Variants in PLAUR observed in about 807,000 individuals in gnomAD.
The protein encoded by PLAUR is plasminogen activator, urokinase receptor.
Under a neutral mutation model 33.4 loss-of-function variants are expected in PLAUR, and 22 were observed. The ratio of observed to expected loss-of-function variants is 0.66; its 90% confidence interval spans 0.47 to 0.94. The LOEUF (loss-of-function observed/expected upper bound fraction) is 0.94, where lower values mean the gene tolerates loss of function less well. Ranked by LOEUF, PLAUR falls within the 40% of genes least tolerant of loss-of-function variation. The pLI, the probability that PLAUR is intolerant of heterozygous loss-of-function variation, is 0.00. For missense variants in PLAUR, 408 were observed against 434.7 expected (o/e 0.94, Z 0.55); for synonymous variants, 148 against 167.3 (o/e 0.88, Z 0.89).
chr19:43,649,211 G>A, intron 6 of PLAUR, 68 bp from the exon 7 acceptor site: 1 of 1,556,248 alleles, frequency 6.4e-7, no homozygotes, highest in African/African-American at 1.4e-5. Flanking sequence ...TCCAGTAGGT[G>A]ACCTGCCACC....
chr19:43,654,429 G>A (rs1974121422), intron 5 of PLAUR, among the ~76,000 whole-genome samples: 1 of 152,112 alleles, frequency 6.6e-6, no homozygotes, highest in Admixed American at 6.6e-5. Flanking sequence ...GCCTGAGAAA[G>A]GAGGGTGACA....
At position 43,648,713 on chromosome 19, in the gene PLAUR, T is replaced by G; in HGVS notation, c.*177A>C. ...TTGGCCCACGGCCTTCCTCCAGCTT[T>G]TCTCTTCTGCTTCACACAACTTTGT... is the stretch of plus-strand genomic sequence containing the variant. On this transcript the variant is annotated 3_prime_UTR_variant, in exon 7 of 7. Transcript: ENST00000340093. 1.2e-6 allele frequency: 1 copy of G among 848,494 alleles called. No individual in the cohort carries two copies. 52.6% of individuals were successfully genotyped at this position (848,494 alleles called of 1,614,324 possible).
Position 43,665,358 on chromosome 19 carries a change from C to T in PLAUR, c.268G>A (p.Glu90Lys), listed in dbSNP as rs184935465. 124 of 1,613,934 alleles carry T rather than the reference C, an allele frequency of 7.7e-5. No homozygotes were observed. Among genetic ancestry groups the T allele is most frequent in the Non-Finnish European group, 9.7e-5 (114 of 1,179,976 alleles). Reference sequence around the variant, plus strand: ...CACAAGTCTAACCCACACACAACCTCGGTAAGGCTGGTGATCTTCAAGCCA... The same window carrying T: ...CACAAGTCTAACCCACACACAACCTTGGTAAGGCTGGTGATCTTCAAGCCA... ...RTGLKITSLT[E>K]VVCGLDLCNQ... Residue 90 changes from glutamate (E) to lysine (K), a missense_variant, in exon 3 of 7, where the codon GAG becomes AAG. Transcript: ENST00000340093.
At position 43,652,381 on chromosome 19, in the gene PLAUR, AG is replaced by A; in HGVS notation, c.608-11del. ...TTTTCAAGCTCCAGGACTTAGGAGA[AG>A]ACCAGAGACACAGAGACCAAGAAAA... On this transcript the variant is annotated splice_polypyrimidine_tract_variant and intron_variant, in intron 5 of 6. Transcript: ENST00000340093. 1 of 1,613,212 alleles carries A rather than the reference AG, an allele frequency of 6.2e-7. No homozygotes were observed.
At chr19:43,661,125 G>C (rs907760625) in intron 3 of PLAUR, 1 of 152,172 alleles carries the variant, frequency 6.6e-6, no homozygotes, top group African/African-American at 2.4e-5. Context: ...TGACTTGAGG[G>C]AGATTTGTTT....
intron 4 of PLAUR, 97 bp from the exon 5 acceptor site, chr19:43,655,670 T>C: frequency 9.2e-7 from 1 of 1,089,732 alleles, no homozygotes; most frequent in Non-Finnish European, 1.3e-6. Flanking sequence ...CATTCTCTAC[T>C]TCACCCTTCA....
chr19:43,649,755 A>G (rs1262695280), intron 6 of PLAUR, among the ~76,000 whole-genome samples: 3 of 151,816 alleles, frequency 2.0e-5, no homozygotes, highest in Non-Finnish European at 4.4e-5. Context: ...AGAAAAAAAA[A>G]GAAAGAAAGG....
At position 43,670,058 on chromosome 19, in the gene PLAUR, GC is replaced by G; in HGVS notation, c.55+7del. ...TCCAGGCGCAGGCGTTCGGGACCCA[GC>G]CCCTACCTGGGACGCAGGTGTGGAG... On this transcript the variant is annotated splice_region_variant and intron_variant, in intron 1 of 6. Coordinates refer to ENST00000340093, the MANE Select transcript of PLAUR (RefSeq NM_002659.4). 1 of 1,613,146 alleles carries G rather than the reference GC, an allele frequency of 6.2e-7. No homozygotes were observed. The highest frequency in any genetic ancestry group is 2.2e-5 in the East Asian group (1 of 44,806).
intron 3 of PLAUR, among the ~76,000 whole-genome samples, chr19:43,661,800 G>A (rs1302034864): frequency 6.6e-6 from 1 of 152,216 alleles, no homozygotes; most frequent in Non-Finnish European, 1.5e-5. Context: ...TCTGATACAA[G>A]TGACTCCATC....
chr19:43,648,872 G>A lies in PLAUR; in HGVS notation c.*18C>T, dbSNP rs1288159843. On this transcript the variant is annotated 3_prime_UTR_variant, in exon 7 of 7. Transcript: ENST00000340093. ...GGGTCCCCCGGATCCAGCCAGGGCA[G>A]AGAGGGGGATTTCAGGTTTAGGTCC... is the stretch of plus-strand genomic sequence containing the variant. 6.2e-7 allele frequency: 1 copy of A among 1,605,914 alleles called. No individual in the cohort carries two copies. The highest frequency in any genetic ancestry group is 8.5e-7 in the Non-Finnish European group (1 of 1,173,938).
chr19:43,667,532 C>G, intron 2 of PLAUR, 49 bp downstream of exon 2: 1 of 1,311,814 alleles, frequency 7.6e-7, no homozygotes, highest in Non-Finnish European at 1.1e-6. Context: ...CTCAATCACT[C>G]GCGTTCCATG....
intron 2 of PLAUR, among the ~76,000 whole-genome samples, chr19:43,666,649 C>T (rs927397657): frequency 3.3e-5 from 5 of 152,032 alleles, no homozygotes; most frequent in Non-Finnish European, 5.9e-5. Flanking sequence ...CTCACTGCAA[C>T]CTCCGCCTCC....
chr19:43,652,695 G>C (rs1270772578), intron 5 of PLAUR, among the ~76,000 whole-genome samples: 1 of 152,106 alleles, frequency 6.6e-6, no homozygotes, highest in African/African-American at 2.4e-5. Flanking sequence ...TTGTTGCCCA[G>C]GCTGGAGTGC....
At chr19:43,665,092 G>C (rs968873591) in intron 3 of PLAUR, 3 of 578,094 alleles carry the variant, frequency 5.2e-6, no homozygotes, top group Non-Finnish European at 9.4e-6. Context: ...GTAACATGAA[G>C]TTGGGCATAG....
rs1198012015 is a variant in PLAUR at position 43,650,310 on chromosome 19, G to GT, written c.755-1168dup. Among the ~76,000 whole-genome samples the GT allele has an allele frequency of 9.6e-3, 1,390 of 144,192 alleles. 14 individuals carry two copies. Among genetic ancestry groups the GT allele is most frequent in the African/African-American group, 0.028 (1,090 of 39,378 alleles). The allele number at this position is 144,192 out of a possible 152,430, so 94.6% of individuals were successfully genotyped here. A position where few individuals can be genotyped will look rare whatever the true frequency, so the allele number is the denominator to read the frequency against. On this transcript the variant is annotated intron_variant, in intron 6 of 6. Coordinates refer to ENST00000340093, the MANE Select transcript of PLAUR (RefSeq NM_002659.4). ...AGGCGTGAGCCACCGCGCCTGGCTG[G>GT]TTTTTTTTTTGTTGTTTCTTTGTTT...
chr19:43,649,647 G>GAGGA (rs1641059067), intron 6 of PLAUR, among the ~76,000 whole-genome samples: 1 of 149,090 alleles, frequency 6.7e-6, no homozygotes. Flanking sequence ...GAGAGAGAGG[G>GAGGA]AGGAAGGAAG....
rs751493923 is a variant in PLAUR at position 43,656,490 on chromosome 19, T to C, written c.461A>G (p.Glu154Gly). Reference sequence around the variant, plus strand: ...AGGTTGGGGCTCACCTTCTTCACCTTCCTGGATCCAGTGGGTCACCACATC... The same window carrying C: ...AGGTTGGGGCTCACCTTCTTCACCTCCCTGGATCCAGTGGGTCACCACATC... ...CLDVVTHWIQ[E>G]GEEGRPKDDR... The change falls in exon 4 of 7, where the codon GAA becomes GGA. Residue 154 changes from glutamate to glycine, a missense_variant. Glu to Gly is a moderately conservative substitution (Grantham distance 98, BLOSUM62 -2). Coordinates refer to ENST00000340093, the MANE Select transcript of PLAUR (RefSeq NM_002659.4). The C allele has an allele frequency of 2.5e-6, 4 of 1,593,952 alleles. No homozygotes were observed. Among genetic ancestry groups the C allele is most frequent in the Non-Finnish European group, 3.4e-6 (4 of 1,167,344 alleles).
chr19:43,652,942 T>C (rs775327657), intron 5 of PLAUR, among the ~76,000 whole-genome samples: 6 of 152,124 alleles, frequency 3.9e-5, no homozygotes, highest in African/African-American at 1.4e-4. Flanking sequence ...TGAGCCACTG[T>C]ACCTGGCCAG....
Position 43,668,403 on chromosome 19 carries a change from CT to C in PLAUR, c.56-713del, listed in dbSNP as rs1461837216. The C allele has an allele frequency of 1.5e-5, 10 of 668,920 alleles. No individual in the cohort carries two copies. The African/African-American group carries it at 2.0e-4, about 13-fold the overall frequency. The allele number at this position is 668,920 out of a possible 1,614,324, so 41.4% of individuals were successfully genotyped here. The stretch of plus-strand genomic sequence containing the variant: ...CTTCCTGACCTTATCTTCCCGCCCC[CT>C]AGCTCCTCCCCGATGCCATAACCCC... On this transcript the variant is annotated intron_variant, in intron 1 of 6. Coordinates refer to ENST00000340093, the MANE Select transcript of PLAUR (RefSeq NM_002659.4).
Sources: allele counts gnomAD v4.1 joint callset (sites outside exome capture counted in the v4.1 genomes callset), GRCh38; gene constraint gnomAD v4.1.1; transcripts MANE v1.5; gene names NCBI Gene and HGNC (gene_info 2026-07-23, HGNC 2026-07-21).